The following HEMK1 variants were observed in gnomAD, a reference collection of about 807,000 sequenced individuals.
HEMK1 encodes the protein HemK methyltransferase 1, mitochondrial release factors N(5)-glutamine.
A neutral mutation model predicts 47.9 loss-of-function variants in HEMK1; 36 were observed. The ratio of observed to expected loss-of-function variants is 0.75; its 90% CI spans 0.58 to 0.99. The LOEUF is 0.99. HEMK1 is among the 50% of genes least tolerant of loss of function. The probability of loss-of-function intolerance (pLI) is 0.00; values close to 1 mark genes in which losing one functional copy is unlikely to be tolerated. For missense variants in HEMK1, 383 were observed against 434.5 expected, an observed-to-expected ratio of 0.88 and a Z score of 1.05; for synonymous variants, 153 against 165.4, an observed-to-expected ratio of 0.93 and a Z score of 0.57.
Position 50,580,200 on chromosome 3 carries a change from T to C in HEMK1, c.951T>C (p.Leu317=), listed in dbSNP as rs764096638. The change falls in exon 10 of 11, where the codon CTT becomes CTC. Residue 317 remains leucine, a synonymous_variant. Transcript: ENST00000232854. ...LQSRPDLYLN[L]VAVRRDFCGR... ...GCCGGCCTGACCTGTACCTTAATCT[T>C]GTGGCTGTGCGCAGGGACTTCTGTG... 3 of 1,614,042 alleles carry C rather than the reference T, an allele frequency of 1.9e-6. No homozygotes were observed. The highest frequency in any genetic ancestry group is 2.5e-6 in the Non-Finnish European group (3 of 1,180,020).
rs1052693725 is a variant in HEMK1, at chr3:50,585,680, C to A, written c.*5263C>A. The A allele has an allele frequency of 5.9e-5, 9 of 152,228 alleles. No homozygotes were observed. The highest frequency in any genetic ancestry group is 2.2e-4 in the African/African-American group (9 of 41,454). 9.4% of individuals were successfully genotyped at this position (152,228 alleles called of 1,614,324 possible). ...AGCTGGGGGACAGAGAGCATGGACA[C>A]CTGGGTTCAAGGGTCAGCTTGGCCC... is the stretch of plus-strand genomic sequence containing the variant. On this transcript the variant is annotated 3_prime_UTR_variant, in exon 11 of 11. Coordinates refer to ENST00000232854, the MANE Select transcript of HEMK1 (RefSeq NM_016173.5).
chr3:50,591,138 G>T lies in HEMK1; in HGVS notation c.*10721G>T, dbSNP rs945014847. 1 of 152,310 alleles carries T rather than the reference G, an allele frequency of 6.6e-6. No homozygotes were observed. Among genetic ancestry groups the T allele is most frequent in the East Asian group, 1.9e-4 (1 of 5,184 alleles). The allele number at this position is 152,310 out of a possible 1,614,324, so 9.4% of individuals were successfully genotyped here. ...TTCCTGCCAACAGCCTCCGTGAGGG[G>T]TCCTAGGATTGCTGAGGGCTGAGAC... On this transcript the variant is annotated 3_prime_UTR_variant, in exon 11 of 11. Transcript: ENST00000232854.
rs1399509039 is a variant in HEMK1, at chr3:50,580,938, TG to T, written c.*523del. On this transcript the variant is annotated 3_prime_UTR_variant, in exon 11 of 11. Coordinates refer to ENST00000232854, the MANE Select transcript of HEMK1 (RefSeq NM_016173.5). ...CTGGGTGCATGCGTACACAATTCCC[TG>T]GCCAAGCCTGGCTCGAGCACAGGAA... 1 of 156,958 alleles carries T rather than the reference TG, an allele frequency of 6.4e-6. No homozygotes were observed. The highest frequency in any genetic ancestry group is 1.4e-5 in the Non-Finnish European group (1 of 71,240). The allele number at this position is 156,958 out of a possible 1,614,324, so 9.7% of individuals were successfully genotyped here.
rs1333257176 is a variant in HEMK1, at chr3:50,588,232, CT to C, written c.*7816del. On this transcript the variant is annotated 3_prime_UTR_variant, in exon 11 of 11. Coordinates refer to ENST00000232854, the MANE Select transcript of HEMK1 (RefSeq NM_016173.5). The stretch of plus-strand genomic sequence containing the variant: ...GCAGTGTGTAAACTAGTGCCAGGTG[CT>C]GCACACACGTGGTCATAAATCCATC... 2 of 152,270 alleles carry C rather than the reference CT, an allele frequency of 1.3e-5. No homozygotes were observed. The highest frequency in any genetic ancestry group is 1.5e-5 in the Non-Finnish European group (1 of 68,072). The allele number at this position is 152,270 out of a possible 1,614,324, so 9.4% of individuals were successfully genotyped here.
chr3:50,570,577 G>A (rs1239794629), intron 1 of HEMK1: 1 of 152,308 alleles, frequency 6.6e-6, no homozygotes, highest in Non-Finnish European at 1.5e-5. Context: ...CCATGGGTTT[G>A]GTGTGATTTT....
At chr3:50,578,663 C>T (rs565994240) in intron 7 of HEMK1, among the ~76,000 whole-genome samples, 158 bp from the exon 8 acceptor site, 1 of 152,230 alleles carries the variant, frequency 6.6e-6, no homozygotes, top group African/African-American at 2.4e-5. Context: ...AGGCTGCCAG[C>T]TGGGGACCCT....
chr3:50,576,700 T>C (rs1701632929), intron 4 of HEMK1, among the ~76,000 whole-genome samples: 1 of 152,262 alleles, frequency 6.6e-6, no homozygotes. Flanking sequence ...TGAGCCACCG[T>C]GCCCAGCCAG....
At chr3:50,574,407 G>T (rs1701349962) in intron 4 of HEMK1, among the ~76,000 whole-genome samples, 1 of 152,170 alleles carries the variant, frequency 6.6e-6, no homozygotes, top group Admixed American at 6.5e-5. Flanking sequence ...CAAACAAGAG[G>T]CCACTAGTGG....
At position 50,577,490 on chromosome 3, in the gene HEMK1, C is replaced by T; in HGVS notation, c.550-19C>T. 1 of 1,613,118 alleles carries T rather than the reference C, an allele frequency of 6.2e-7. No homozygotes were observed. Among genetic ancestry groups the T allele is most frequent in the Non-Finnish European group, 8.5e-7 (1 of 1,179,096 alleles). ...CTCAGCATTGCCTTCCACATATCCT[C>T]TGTTTGTTCTTGGGACAGAGCCGAG... On this transcript the variant is annotated intron_variant, in intron 5 of 10. Transcript: ENST00000232854.
intron 4 of HEMK1, among the ~76,000 whole-genome samples, chr3:50,573,595 G>A (rs2107425052): frequency 6.6e-6 from 1 of 152,178 alleles, no homozygotes; most frequent in East Asian, 2.0e-4. Context: ...GGGGTGGGGT[G>A]AGGGGAGATG....
At position 50,592,570 on chromosome 3, in the gene HEMK1, G is replaced by A. The variant is rs2031779958; in HGVS notation, c.*12153G>A. On this transcript the variant is annotated 3_prime_UTR_variant, in exon 11 of 11. Coordinates refer to ENST00000232854, the MANE Select transcript of HEMK1 (RefSeq NM_016173.5). ...ATCTGTCCCCTCATTCCCACCTCCT[G>A]TTTACTTCCCTACAAAAGCCAAAAA... 6.6e-6 allele frequency: 1 copy of A among 152,020 alleles called. No individual in the cohort carries two copies. Among genetic ancestry groups the A allele is most frequent in the African/African-American group, 2.4e-5 (1 of 41,348 alleles). The allele number at this position is 152,020 out of a possible 1,614,324, so 9.4% of individuals were successfully genotyped here.
chr3:50,578,371 T>C (rs2030139910), intron 7 of HEMK1, among the ~76,000 whole-genome samples: 1 of 152,150 alleles, frequency 6.6e-6, no homozygotes, highest in African/African-American at 2.4e-5. Flanking sequence ...TGGAATGTGA[T>C]ATACTTGGTG....
In HEMK1 at chr3:50,584,867, G is replaced by A. The variant is rs1159124566; in HGVS notation, c.*4450G>A. ...ACGCCTACTGATTGAAGTGGCTTTG[G>A]AATTGCAACGTGGAAATGGGCAGAG... On this transcript the variant is annotated 3_prime_UTR_variant, in exon 11 of 11. Transcript: ENST00000232854. 3 of 152,228 alleles carry A rather than the reference G, an allele frequency of 2.0e-5. No homozygotes were observed. Among genetic ancestry groups the A allele is most frequent in the Non-Finnish European group, 4.4e-5 (3 of 68,052 alleles). The allele number at this position is 152,228 out of a possible 1,614,324, so 9.4% of individuals were successfully genotyped here.
chr3:50,573,033 C>T (rs1031866430), intron 4 of HEMK1, among the ~76,000 whole-genome samples: 2 of 152,198 alleles, frequency 1.3e-5, no homozygotes, highest in African/African-American at 4.8e-5. Context: ...CTGCTGTGGC[C>T]AGGGGGCCCC....
At chr3:50,578,750 G>T (rs1246513794) in intron 7 of HEMK1, 71 bp from the exon 8 acceptor site, 74 of 984,104 alleles carry the variant, frequency 7.5e-5, no homozygotes, top group Non-Finnish European at 9.4e-6. Context: ...GGACATGGTG[G>T]CAGGTGGAGC....
rs1456702814 is a variant in HEMK1 at position 50,580,143 on chromosome 3, G to A, written c.894G>A (p.Arg298=). 2 of 1,614,108 alleles carry A rather than the reference G, an allele frequency of 1.2e-6. No individual in the cohort carries two copies. Among genetic ancestry groups the A allele is most frequent in the South Asian group, 2.2e-5 (2 of 91,082 alleles). ...GTATCTTCTTAGAAGTGGACCCAAG[G>A]CACCCGGAGCTTGTCAGCAGCTGGC... is the stretch of plus-strand genomic sequence containing the variant. ...SGSIFLEVDP[R]HPELVSSWLQ... The change falls in exon 10 of 11, where the codon AGG becomes AGA. Residue 298 remains arginine (R), a synonymous_variant. Transcript: ENST00000232854.
At chr3:50,569,288 G>A (rs1200239477), upstream of HEMK1, 1 of 152,366 alleles carries the variant, frequency 6.6e-6, no homozygotes, top group African/African-American at 2.4e-5. Context: ...GGGCCCCCAA[G>A]GGTCAACCCC....
At chr3:50,577,305 G>T (rs1467790013) in intron 5 of HEMK1, 119 bp downstream of exon 5, 11 of 1,277,742 alleles carry the variant, frequency 8.6e-6, no homozygotes, top group Non-Finnish European at 1.2e-5. Context: ...GATGAGGGAG[G>T]ACAGGGCTGC....
At chr3:50,578,686 G>T in intron 7 of HEMK1, 135 bp from the exon 8 acceptor site, 1 of 597,768 alleles carries the variant, frequency 1.7e-6, no homozygotes. Flanking sequence ...GCACTAATTT[G>T]CAGGTCTGGC....
Sources: allele counts gnomAD v4.1 joint callset (sites outside exome capture counted in the v4.1 genomes callset), GRCh38; gene constraint gnomAD v4.1.1; transcripts MANE v1.5; gene names NCBI Gene and HGNC (gene_info 2026-07-23, HGNC 2026-07-21).